The following RGS7 variants were observed in gnomAD, a reference collection of about 807,000 sequenced individuals.
RGS7 encodes regulator of G-protein signaling 7.
In RGS7, 27 loss-of-function variants were observed where a neutral mutation model predicts 81.1. The ratio of observed to expected loss-of-function variants is 0.33; its 90% confidence interval spans 0.25 to 0.46. The LOEUF (loss-of-function observed/expected upper bound fraction) is 0.46, where lower values mean the gene tolerates loss of function less well. Ranked by LOEUF, RGS7 falls within the 20% of genes least tolerant of loss-of-function variation. RGS7 has a pLI of 1.00. For missense variants in RGS7, 396 were observed against 607.4 expected, an observed-to-expected ratio of 0.65 and a Z score of 3.66; for synonymous variants, 208 against 207.7, an observed-to-expected ratio of 1.00 and a Z score of -0.01.
chr1:240,983,161 A>C, intron 3 of RGS7, 32 bp from the exon 4 acceptor site: 1 of 1,264,582 alleles, frequency 7.9e-7, no homozygotes, highest in Middle Eastern at 1.9e-4. Context: ...ACACAAACAG[A>C]TGTGAACATT....
In RGS7 at chr1:240,949,360, T is replaced by G. The variant is rs1679174233; in HGVS notation, c.227-12654A>C. Among the ~76,000 whole-genome samples, 3 of 152,182 alleles carry G rather than the reference T, an allele frequency of 2.0e-5. No homozygotes were observed. In the South Asian group the frequency reaches 6.2e-4, roughly 32 times the overall value. ...CATTTCTTCAGCCATTCACCTGTCA[T>G]CCATCCACCCATCTGCTATCCACTC... On this transcript the variant is annotated intron_variant, in intron 4 of 18. Transcript: ENST00000440928.
intron 2 of RGS7, among the ~76,000 whole-genome samples, chr1:241,133,087 AT>A (rs2067237341): frequency 6.6e-6 from 1 of 152,120 alleles, no homozygotes; most frequent in African/African-American, 2.4e-5. Context: ...ACTAGAATAC[AT>A]TTTCTACAGA....
At chr1:241,349,725 T>G (rs2083117696) in intron 2 of RGS7, among the ~76,000 whole-genome samples, 1 of 152,222 alleles carries the variant, frequency 6.6e-6, no homozygotes. Context: ...TGAGTAACCC[T>G]GACATCCATA....
At chr1:241,150,520 A>C (rs2068670386) in intron 2 of RGS7, among the ~76,000 whole-genome samples, 1 of 152,178 alleles carries the variant, frequency 6.6e-6, no homozygotes. Flanking sequence ...TTAGAAATTA[A>C]AATAAGGCTT....
At position 240,811,988 on chromosome 1, in the gene RGS7, A is replaced by G. The variant is rs1238238149; in HGVS notation, c.1012T>C (p.Leu338=). Residue 338 remains leucine, a synonymous_variant, in exon 14 of 19, where the codon TTG becomes CTG. Transcript: ENST00000440928. ...TGTTCTCTCCCAACTGGGTCTTTCA[A>G]TGCCTCGTCCATGCCAAAACCCCAT... ...KRWGFGMDEA[L]KDPVGREQFL... 3 of 1,614,094 alleles carry G rather than the reference A, an allele frequency of 1.9e-6. No individual in the cohort carries two copies. Among genetic ancestry groups the G allele is most frequent in the Middle Eastern group, 1.6e-4 (1 of 6,062 alleles).
At chr1:241,031,839 A>T (rs879731216) in intron 3 of RGS7, among the ~76,000 whole-genome samples, 6 of 143,050 alleles carry the variant, frequency 4.2e-5, no homozygotes, top group Non-Finnish European at 7.5e-5. Context: ...TTTCTTTGTC[A>T]TCGTTGATTA....
intron 6 of RGS7, among the ~76,000 whole-genome samples, chr1:240,899,689 C>T (rs1273517965): frequency 6.6e-6 from 1 of 152,158 alleles, no homozygotes; most frequent in Non-Finnish European, 1.5e-5. Flanking sequence ...TGTGGGTAAC[C>T]TGACCTTTCT....
chr1:241,209,611 G>C (rs2074126342), intron 2 of RGS7, among the ~76,000 whole-genome samples: 1 of 152,128 alleles, frequency 6.6e-6, no homozygotes, highest in African/African-American at 2.4e-5. Context: ...TGAGGCAGGA[G>C]GATCACTTGA....
intron 3 of RGS7, among the ~76,000 whole-genome samples, chr1:241,023,422 A>G (rs540142310): frequency 1.5e-3 from 232 of 152,338 alleles, no homozygotes; most frequent in African/African-American, 5.4e-3. Context: ...TTGAAAAGTC[A>G]TCATCAATGA....
intron 5 of RGS7, among the ~76,000 whole-genome samples, chr1:240,933,033 G>GA (rs1558487227): frequency 6.8e-6 from 1 of 147,218 alleles, no homozygotes; most frequent in Non-Finnish European, 1.5e-5. Flanking sequence ...ACAGGCGCCC[G>GA]CACCACGCCC....
intron 9 of RGS7, among the ~76,000 whole-genome samples, chr1:240,844,451 A>G (rs185543627): frequency 1.7e-4 from 26 of 152,338 alleles, no homozygotes; most frequent in African/African-American, 6.0e-4. Flanking sequence ...CAGAAGAAAC[A>G]GGACAGAAAT....
chr1:241,311,325 A>G (rs1652376267), intron 2 of RGS7, among the ~76,000 whole-genome samples: 1 of 152,252 alleles, frequency 6.6e-6, no homozygotes, highest in African/African-American at 2.4e-5. Context: ...CCACATAAAA[A>G]ACAAAGATAG....
intron 9 of RGS7, among the ~76,000 whole-genome samples, chr1:240,845,085 T>C (rs930380241): frequency 2.0e-5 from 3 of 152,242 alleles, no homozygotes; most frequent in Non-Finnish European, 4.4e-5. Flanking sequence ...CATGAAATTA[T>C]GCATGTGGAT....
intron 18 of RGS7, among the ~76,000 whole-genome samples, chr1:240,786,690 G>A (rs1445206411): frequency 6.6e-6 from 1 of 152,152 alleles, no homozygotes; most frequent in Non-Finnish European, 1.5e-5. Flanking sequence ...GATTAGCCCT[G>A]CTCTGCAAGG....
intron 2 of RGS7, among the ~76,000 whole-genome samples, chr1:241,188,385 T>G (rs369887946): frequency 1.4e-4 from 22 of 152,196 alleles, no homozygotes; most frequent in African/African-American, 5.1e-4. Context: ...ACCAATCTAC[T>G]TTTTAAATAG....
At chr1:241,267,583 C>T (rs1275521203) in intron 2 of RGS7, among the ~76,000 whole-genome samples, 1 of 152,082 alleles carries the variant, frequency 6.6e-6, no homozygotes, top group Non-Finnish European at 1.5e-5. Context: ...ATTTCTCCCC[C>T]TTATTATCTC....
chr1:240,855,675 A>G (rs1051259120), intron 9 of RGS7, among the ~76,000 whole-genome samples: 2 of 152,136 alleles, frequency 1.3e-5, no homozygotes, highest in Non-Finnish European at 2.9e-5. Flanking sequence ...TGCGATTTCA[A>G]ATGTTAGCTA....
chr1:241,126,227 G>A (rs2066648574), intron 2 of RGS7, among the ~76,000 whole-genome samples: 1 of 151,968 alleles, frequency 6.6e-6, no homozygotes, highest in Non-Finnish European at 1.5e-5. Flanking sequence ...TCGGCTCAAT[G>A]CAACCTCCGC....
intron 4 of RGS7, among the ~76,000 whole-genome samples, chr1:240,959,100 T>C (rs1680925190): frequency 6.6e-6 from 1 of 152,240 alleles, no homozygotes; most frequent in African/African-American, 2.4e-5. Flanking sequence ...GGTTCTTTGA[T>C]ACTTATAATA....
Sources: allele counts gnomAD v4.1 joint callset (sites outside exome capture counted in the v4.1 genomes callset), GRCh38; gene constraint gnomAD v4.1.1; transcripts MANE v1.5; gene names NCBI Gene and HGNC (gene_info 2026-07-23, HGNC 2026-07-21).